Variants in SLC12A1 observed in about 807,000 individuals in gnomAD.
SLC12A1 encodes Na-K-2Cl cotransporter.
SLC12A1 carries 89 observed loss-of-function variants against 130.4 expected under a neutral mutation model. The observed-to-expected ratio is 0.68, with a 90% confidence interval of 0.58 to 0.81. The LOEUF is 0.81. SLC12A1 is among the 40% of genes least tolerant of loss of function. The pLI is 0.00. For synonymous variants in SLC12A1, 499 were observed against 460.0 expected (o/e 1.08, Z -1.09); for missense variants, 1,310 against 1,336.4 (o/e 0.98, Z 0.31).
intron 15 of SLC12A1, among the ~76,000 whole-genome samples, chr15:48,254,738 G>T (rs905069830): frequency 2.0e-5 from 3 of 151,228 alleles, no homozygotes; most frequent in African/African-American, 7.3e-5. Context: ...TGGCTAACAC[G>T]GTGAAACTCC....
Position 48,207,861 on chromosome 15 carries a change from AC to A in SLC12A1, c.144del (p.Ser49LeufsTer64). The A allele has an allele frequency of 1.2e-6, 2 of 1,613,816 alleles. No homozygotes were observed. The highest frequency in any genetic ancestry group is 8.5e-7 in the Non-Finnish European group (1 of 1,179,854). ...TACTGACCCACCACATTATGAAGAA[AC>A]CTCTTTTGGGGATGAAGCTCAGAAA... ...DNTDPPHYEE[T>X]SFGDEAQKRL... is the part of the protein sequence containing the mutation. On this transcript the variant is annotated frameshift_variant, in exon 2 of 27. Coordinates refer to ENST00000380993, the MANE Select transcript of SLC12A1 (RefSeq NM_000338.3). LOFTEE classifies it high-confidence loss of function.
chr15:48,262,983 T>G (rs1204992318), intron 17 of SLC12A1, among the ~76,000 whole-genome samples: 1 of 152,214 alleles, frequency 6.6e-6, no homozygotes, highest in East Asian at 1.9e-4. Context: ...TCATAGTAGA[T>G]GCAGAGATAT....
intron 20 of SLC12A1, among the ~76,000 whole-genome samples, chr15:48,279,676 T>C (rs189556786): frequency 2.0e-5 from 3 of 152,316 alleles, no homozygotes; most frequent in African/African-American, 7.2e-5. Context: ...TAGCAAGTTT[T>C]CCAACTACAA....
chr15:48,281,553 G>C (rs1450530492), intron 20 of SLC12A1, among the ~76,000 whole-genome samples: 2 of 152,190 alleles, frequency 1.3e-5, no homozygotes, highest in Non-Finnish European at 2.9e-5. Context: ...AAGGAGAAGA[G>C]AGAAGAGGGA....
At chr15:48,272,104 C>T (rs1484102126) in intron 19 of SLC12A1, among the ~76,000 whole-genome samples, 1 of 152,136 alleles carries the variant, frequency 6.6e-6, no homozygotes, top group Non-Finnish European at 1.5e-5. Context: ...CCAAGGAGGC[C>T]TCTGGCTTTT....
At chr15:48,284,788 A>T (rs2042040562) in intron 20 of SLC12A1, among the ~76,000 whole-genome samples, 2 of 151,806 alleles carry the variant, frequency 1.3e-5, no homozygotes, top group Admixed American at 6.6e-5. Flanking sequence ...TACACACCAC[A>T]CCCAGCTGAT....
intron 8 of SLC12A1, among the ~76,000 whole-genome samples, chr15:48,234,010 T>C (rs1336851733): frequency 1.3e-5 from 2 of 152,200 alleles, no homozygotes; most frequent in African/African-American, 4.8e-5. Flanking sequence ...TATTCTCCCA[T>C]ACTGAGGATT....
intron 21 of SLC12A1, 71 bp downstream of exon 21, chr15:48,285,320 G>A (rs1246130103): frequency 8.9e-6 from 13 of 1,461,814 alleles, no homozygotes; most frequent in East Asian, 2.3e-5. Context: ...TGAAGAGTCC[G>A]AAGTCAGCAT....
intron 15 of SLC12A1, among the ~76,000 whole-genome samples, chr15:48,254,422 C>A (rs549624248): frequency 2.8e-4 from 43 of 151,730 alleles, no homozygotes; most frequent in Non-Finnish European, 3.5e-4. Context: ...AACACTTAAT[C>A]AATATTGATC....
intron 2 of SLC12A1, 101 bp downstream of exon 2, chr15:48,208,240 G>A: frequency 1.7e-6 from 2 of 1,197,160 alleles, no homozygotes; most frequent in Non-Finnish European, 2.3e-6. Flanking sequence ...ACAGTCAAAT[G>A]GAGAGGTCTA....
chr15:48,296,715 A>C (rs1180321600), intron 24 of SLC12A1, among the ~76,000 whole-genome samples: 1 of 152,234 alleles, frequency 6.6e-6, no homozygotes, highest in Non-Finnish European at 1.5e-5. Context: ...ATTTAATAGC[A>C]TGTAACACTT....
At chr15:48,227,911 C>A (rs531104458) in intron 5 of SLC12A1, 1 of 152,388 alleles carries the variant, frequency 6.6e-6, no homozygotes, top group East Asian at 1.9e-4. Flanking sequence ...CTGACTAGCT[C>A]ATTTGTTTAA....
At chr15:48,236,378 T>C (rs552017094) in intron 9 of SLC12A1, among the ~76,000 whole-genome samples, 10 of 152,280 alleles carry the variant, frequency 6.6e-5, no homozygotes, top group South Asian at 2.1e-4. Context: ...TGAAGAAATA[T>C]AGAGTATTCC....
intron 21 of SLC12A1, among the ~76,000 whole-genome samples, chr15:48,286,132 C>G (rs1433072476): frequency 2.0e-5 from 3 of 152,172 alleles, no homozygotes; most frequent in Non-Finnish European, 4.4e-5. Flanking sequence ...AGAGGCCCTT[C>G]GACAAGGCCA....
chr15:48,208,597 G>T (rs937904209), intron 2 of SLC12A1, among the ~76,000 whole-genome samples: 1 of 152,212 alleles, frequency 6.6e-6, no homozygotes, highest in Admixed American at 6.5e-5. Context: ...GCAGGCATGA[G>T]CCACTGTGCC....
chr15:48,284,129 A>T (rs2042034444), intron 20 of SLC12A1, among the ~76,000 whole-genome samples: 1 of 152,216 alleles, frequency 6.6e-6, no homozygotes, highest in African/African-American at 2.4e-5. Flanking sequence ...ACATGTCACA[A>T]GACCCCTTTT....
intron 23 of SLC12A1, among the ~76,000 whole-genome samples, 190 bp downstream of exon 23, chr15:48,288,706 G>A (rs2141115534): frequency 6.6e-6 from 1 of 152,262 alleles, no homozygotes; most frequent in African/African-American, 2.4e-5. Context: ...CTGTCTTCAA[G>A]CAAGTCCTCT....
intron 4 of SLC12A1, chr15:48,224,443 A>G (rs964229159): frequency 6.6e-6 from 1 of 152,224 alleles, no homozygotes; most frequent in South Asian, 2.1e-4. Flanking sequence ...GGTTGCTTAG[A>G]ACATGGGCTT....
intron 4 of SLC12A1, chr15:48,225,744 C>T (rs1359120478): frequency 5.0e-6 from 1 of 198,702 alleles, no homozygotes; most frequent in Non-Finnish European, 9.1e-6. Flanking sequence ...ACTTGTTAAA[C>T]TCAAATGTGG....
Sources: allele counts gnomAD v4.1 joint callset (sites outside exome capture counted in the v4.1 genomes callset), GRCh38; gene constraint gnomAD v4.1.1; transcripts MANE v1.5; gene names NCBI Gene and HGNC (gene_info 2026-07-23, HGNC 2026-07-21).